BCAS3: variants seen among roughly 807,000 people sequenced by gnomAD.
The protein encoded by BCAS3 is BCAS4/BCAS3 fusion.
A neutral mutation model predicts 116.1 loss-of-function variants in BCAS3; 53 were observed. That is an observed-to-expected ratio of 0.46 (90% CI 0.37 to 0.57). BCAS3 has a LOEUF of 0.57. Among genes scored for constraint, BCAS3 ranks in the 20% least tolerant of loss-of-function variants. BCAS3 has a pLI of 0.00. For synonymous variants in BCAS3, 391 were observed against 408.2 expected, an observed-to-expected ratio of 0.96 and a Z score of 0.51; for missense variants, 917 against 1,165.4, an observed-to-expected ratio of 0.79 and a Z score of 3.10.
At chr17:60,707,712 A>G (rs73990954) in intron 4 of BCAS3, among the ~76,000 whole-genome samples, 10,690 of 150,288 alleles carry the variant, frequency 0.071, 1,258 homozygotes, top group African/African-American at 0.24. Context: ...AAATAAAATA[A>G]CTATTGCATT....
chr17:61,356,313 G>A lies in BCAS3; in HGVS notation c.2426-12014G>A, dbSNP rs1310813629. On this transcript the variant is annotated intron_variant, in intron 22 of 23. Transcript: ENST00000407086. The surrounding 1 kb of genome is among the most constrained non-coding windows in gnomAD (Gnocchi z 5.4). Reference sequence around the variant, plus strand: ...CTGGCCAGGAAACATTGTCATTGCAGCCCAGCTACAAAATGATTCTTCTCT... The same window carrying A: ...CTGGCCAGGAAACATTGTCATTGCAACCCAGCTACAAAATGATTCTTCTCT... Among the ~76,000 whole-genome samples, 1 of 151,918 alleles carries A rather than the reference G, an allele frequency of 6.6e-6. No homozygotes were observed. Among genetic ancestry groups the A allele is most frequent in the Non-Finnish European group, 1.5e-5 (1 of 67,954 alleles).
chr17:60,773,793 G>T (rs541917376), intron 6 of BCAS3, among the ~76,000 whole-genome samples: 1 of 152,052 alleles, frequency 6.6e-6, no homozygotes, highest in Admixed American at 6.5e-5. Context: ...GACCACAGGC[G>T]CACGCCACCA....
intron 3 of BCAS3, among the ~76,000 whole-genome samples, chr17:60,688,619 A>G (rs2034404634): frequency 6.6e-6 from 1 of 152,128 alleles, no homozygotes; most frequent in Non-Finnish European, 1.5e-5. Context: ...GTTCAAGACC[A>G]GCCTGGCCAA....
rs1247000383 is a variant in BCAS3, at chr17:61,282,709, T to TC, written c.2426-85616dup. ...CACAGAGGATTATGAATCAGACCCT[T>TC]CCAGAAGTCTCTATACCTCACTTTG... On this transcript the variant is annotated intron_variant, in intron 22 of 23. Transcript: ENST00000407086. This position sits in a 1 kb window ranked among gnomAD's most constrained non-coding sequence, Gnocchi z 5.9. Among the ~76,000 whole-genome samples, 2 of 152,174 alleles carry TC rather than the reference T, an allele frequency of 1.3e-5. No individual in the cohort carries two copies. Among genetic ancestry groups the TC allele is most frequent in the South Asian group, 2.1e-4 (1 of 4,832 alleles).
At chr17:60,826,660 A>G (rs952675115) in intron 7 of BCAS3, among the ~76,000 whole-genome samples, 8 of 152,204 alleles carry the variant, frequency 5.3e-5, no homozygotes, top group Admixed American at 2.0e-4. Context: ...TTTTACTACC[A>G]TATATTTCAT....
chr17:61,320,572 A>G (rs1602658931), intron 22 of BCAS3, among the ~76,000 whole-genome samples: 1 of 151,602 alleles, frequency 6.6e-6, no homozygotes, highest in Non-Finnish European at 1.5e-5. Context: ...CCTGCTTGGG[A>G]GGCTGAGGCA....
chr17:61,054,306 A>G (rs1344490395), intron 19 of BCAS3, among the ~76,000 whole-genome samples: 1 of 152,200 alleles, frequency 6.6e-6, no homozygotes, highest in Non-Finnish European at 1.5e-5. Context: ...CATTTGCTTT[A>G]GTATTTACCA....
In BCAS3 at chr17:61,084,488, C is replaced by A. The variant is rs2072917544; in HGVS notation, c.2349C>A (p.Asp783Glu). 1 of 1,614,030 alleles carries A rather than the reference C, an allele frequency of 6.2e-7. No homozygotes were observed. The highest frequency in any genetic ancestry group is 8.5e-7 in the Non-Finnish European group (1 of 1,179,956). ...GCAGGATCCAGCCAGTCCGCTCTGA[C>A]CCCGTCAGCATGCCAGGGTCATCCC... is the stretch of plus-strand genomic sequence containing the variant. ...NSLRIQPVRS[D>E]PVSMPGSSRP... is the part of the protein sequence containing the mutation. Residue 783 changes from aspartate to glutamate, a missense_variant, in exon 22 of 24, where the codon GAC becomes GAA. Coordinates refer to ENST00000407086, the MANE Select transcript of BCAS3 (RefSeq NM_017679.5). The surrounding 1 kb of genome is among the most constrained non-coding windows in gnomAD (Gnocchi z 5.5).
intron 8 of BCAS3, among the ~76,000 whole-genome samples, chr17:60,874,304 T>C (rs2055390877): frequency 6.6e-6 from 1 of 152,182 alleles, no homozygotes; most frequent in African/African-American, 2.4e-5. Context: ...CCTCCTGGGC[T>C]CAAGTGATCC....
chr17:60,749,886 G>C (rs372665908), intron 6 of BCAS3, among the ~76,000 whole-genome samples: 2 of 152,276 alleles, frequency 1.3e-5, no homozygotes, highest in South Asian at 4.2e-4. Context: ...TTAATCAATG[G>C]GATGGGCACG....
intron 13 of BCAS3, among the ~76,000 whole-genome samples, chr17:60,931,592 C>T (rs1440631394): frequency 6.6e-6 from 1 of 152,022 alleles, no homozygotes; most frequent in African/African-American, 2.4e-5. Flanking sequence ...CTTCTTTTGC[C>T]TGGCTAACTC....
At chr17:60,770,986 T>G (rs1354356255) in intron 6 of BCAS3, among the ~76,000 whole-genome samples, 1 of 151,840 alleles carries the variant, frequency 6.6e-6, no homozygotes, top group Non-Finnish European at 1.5e-5. Flanking sequence ...TACCTAATTT[T>G]TGTATCTTTA....
At chr17:60,757,111 C>T (rs558660114) in intron 6 of BCAS3, among the ~76,000 whole-genome samples, 11 of 151,714 alleles carry the variant, frequency 7.3e-5, no homozygotes, top group African/African-American at 1.7e-4. Context: ...TGCAATGAGC[C>T]GAGATCGCAC....
At position 61,387,076 on chromosome 17, in the gene BCAS3, C is replaced by T. The variant is rs908852085; in HGVS notation, c.2594-4901C>T. Among the ~76,000 whole-genome samples the T allele has an allele frequency of 6.6e-6, 1 of 152,208 alleles. No homozygotes were observed. The highest frequency in any genetic ancestry group is 1.5e-5 in the Non-Finnish European group (1 of 68,044). ...GTGTGAGCCACTGCACCTGGCCCGA[C>T]TTCACCTCCGACCTACTGCTGGGGC... On this transcript the variant is annotated intron_variant, in intron 23 of 23. Coordinates refer to ENST00000407086, the MANE Select transcript of BCAS3 (RefSeq NM_017679.5). The surrounding 1 kb of genome is among the most constrained non-coding windows in gnomAD (Gnocchi z 6.2).
At chr17:60,702,003 T>C (rs73332389) in intron 4 of BCAS3, among the ~76,000 whole-genome samples, 10,631 of 151,230 alleles carry the variant, frequency 0.07, 1,240 homozygotes, top group African/African-American at 0.24. Context: ...GAAAAGTATG[T>C]CTCTCTCTCT....
At chr17:61,005,065 C>T (rs998369551) in intron 15 of BCAS3, among the ~76,000 whole-genome samples, 3 of 152,026 alleles carry the variant, frequency 2.0e-5, no homozygotes, top group East Asian at 1.9e-4. Context: ...GAAAGTGTTT[C>T]GGCTTGACAG....
chr17:60,992,947 T>C (rs2063622717), intron 15 of BCAS3, among the ~76,000 whole-genome samples: 1 of 152,176 alleles, frequency 6.6e-6, no homozygotes, highest in African/African-American at 2.4e-5. Flanking sequence ...ACTGTACACA[T>C]GGAGCAGCTA....
chr17:61,157,056 T>C (rs2077886114), intron 22 of BCAS3, among the ~76,000 whole-genome samples: 1 of 152,244 alleles, frequency 6.6e-6, no homozygotes, highest in African/African-American at 2.4e-5. Context: ...CTCTTTGCTC[T>C]GGACTCCTTG....
At chr17:60,876,189 C>T (rs1186495062) in intron 9 of BCAS3, among the ~76,000 whole-genome samples, 1 of 151,970 alleles carries the variant, frequency 6.6e-6, no homozygotes, top group African/African-American at 2.4e-5. Context: ...CAATGAAACT[C>T]CCAAGGTTTT....
Sources: gnomAD v4.1 joint callset for allele counts (sites outside exome capture counted in the v4.1 genomes callset) on GRCh38, gnomAD v4.1.1 for gene constraint, Gnocchi (gnomAD v3.1) non-coding constraint, MANE v1.5 for transcripts, NCBI Gene and HGNC (gene_info 2026-07-23, HGNC 2026-07-21) for gene names.